The following DERA variants were observed in gnomAD, a reference collection of about 807,000 sequenced individuals.
The protein encoded by DERA is deoxyribose-phosphate aldolase.
DERA carries 15 observed loss-of-function variants against 41.1 expected under a neutral mutation model. The ratio of observed to expected loss-of-function variants is 0.37; its 90% confidence interval spans 0.24 to 0.56. The LOEUF is 0.56. Ranked by LOEUF, DERA falls within the 20% of genes least tolerant of loss-of-function variation. The pLI is 0.81. For synonymous variants in DERA, 139 were observed against 137.4 expected (o/e 1.01, Z -0.08); for missense variants, 396 against 403.4 (o/e 0.98, Z 0.16).
chr12:15,986,534 TCA>T (rs758806308), intron 6 of DERA, among the ~76,000 whole-genome samples: 20 of 152,216 alleles, frequency 1.3e-4, no homozygotes, highest in Non-Finnish European at 1.8e-4. Context: ...CCTTAATTTT[TCA>T]CAGTCTACTT....
At chr12:15,974,765 T>TA (rs1335796463) in intron 5 of DERA, among the ~76,000 whole-genome samples, 2 of 152,186 alleles carry the variant, frequency 1.3e-5, no homozygotes, top group African/African-American at 4.8e-5. Flanking sequence ...TTTTTTCAGC[T>TA]ATTACTCTGA....
rs1268597140 is a variant in DERA at position 15,965,591 on chromosome 12, T to G, written c.508+2644T>G. Among the ~76,000 whole-genome samples the G allele has an allele frequency of 6.6e-6, 1 of 152,078 alleles. No homozygotes were observed. ...CTCATGGATGTGAGAGTCCACAGTT[T>G]AGGGTATGAATTCGAGGAGACTGGA... On this transcript the variant is annotated intron_variant, in intron 5 of 8. Coordinates refer to ENST00000428559, the MANE Select transcript of DERA (RefSeq NM_015954.4). The surrounding 1 kb of genome is among the most constrained non-coding windows in gnomAD (Gnocchi z 4.1).
rs910211228 is a variant in DERA, at chr12:15,954,480, T to C, written c.32-2456T>C. Among the ~76,000 whole-genome samples, 1 of 152,136 alleles carries C rather than the reference T, an allele frequency of 6.6e-6. No individual in the cohort carries two copies. The highest frequency in any genetic ancestry group is 1.5e-5 in the Non-Finnish European group (1 of 68,032). On this transcript the variant is annotated intron_variant, in intron 1 of 8. Coordinates refer to ENST00000428559, the MANE Select transcript of DERA (RefSeq NM_015954.4). This position sits in a 1 kb window ranked among gnomAD's most constrained non-coding sequence, Gnocchi z 4.0. ...GCTCCCAGAGAAGGTGACATTTGAATCGACTCTTAAAGGATGAGCAGCAGT... is the reference window on the plus strand; with the variant it reads ...GCTCCCAGAGAAGGTGACATTTGAACCGACTCTTAAAGGATGAGCAGCAGT...
In DERA at chr12:16,017,444, C is replaced by T. The variant is rs184858423; in HGVS notation, c.638-15098C>T. ...TTTCTTTCTCTCTTTCTCTTTACCC[C>T]CTTTCTCACATGGGTAGCTAATTAT... On this transcript the variant is annotated intron_variant, in intron 6 of 8. Transcript: ENST00000428559. The surrounding 1 kb of genome is among the most constrained non-coding windows in gnomAD (Gnocchi z 5.5). Among the ~76,000 whole-genome samples, 21 of 152,238 alleles carry T rather than the reference C, an allele frequency of 1.4e-4. No homozygotes were observed. The highest frequency in any genetic ancestry group is 2.5e-4 in the Non-Finnish European group (17 of 68,020).
rs1948812743 is a variant in DERA, at chr12:15,993,115, A to C, written c.637+10679A>C. On this transcript the variant is annotated intron_variant, in intron 6 of 8. Transcript: ENST00000428559. This position sits in a 1 kb window ranked among gnomAD's most constrained non-coding sequence, Gnocchi z 4.4. Reference sequence around the variant, plus strand: ...TAGAATCCAGGGGAGGGAACATTCAAAATTCAACCCAATAAGATCAAAGTA... The same window carrying C: ...TAGAATCCAGGGGAGGGAACATTCACAATTCAACCCAATAAGATCAAAGTA... Among the ~76,000 whole-genome samples, 1 of 152,178 alleles carries C rather than the reference A, an allele frequency of 6.6e-6. No individual in the cohort carries two copies.
rs1199544344 is a variant in DERA at position 16,020,786 on chromosome 12, G to T, written c.638-11756G>T. ...GAGAACTGGAGTGAAGGTCACCCCT[G>T]TTATGTCCTAGTAAAGAACTTGGCT... On this transcript the variant is annotated intron_variant, in intron 6 of 8. Coordinates refer to ENST00000428559, the MANE Select transcript of DERA (RefSeq NM_015954.4). The surrounding 1 kb of genome is among the most constrained non-coding windows in gnomAD (Gnocchi z 5.5). 6.6e-6 allele frequency among the ~76,000 whole-genome samples: 1 copy of T among 152,188 alleles called. No homozygotes were observed. Among genetic ancestry groups the T allele is most frequent in the Admixed American group, 6.5e-5 (1 of 15,282 alleles).
intron 1 of DERA, among the ~76,000 whole-genome samples, chr12:15,923,848 G>A (rs1054687016): frequency 6.6e-6 from 1 of 151,812 alleles, no homozygotes; most frequent in African/African-American, 2.4e-5. Context: ...ATCTGCCCCT[G>A]GAAAATCCAT....
At chr12:16,027,214 C>G (rs1307293364) in intron 6 of DERA, among the ~76,000 whole-genome samples, 1 of 152,194 alleles carries the variant, frequency 6.6e-6, no homozygotes, top group Non-Finnish European at 1.5e-5. Context: ...TGCTTTCCTC[C>G]TAAGATCCTC....
rs1047505368 is a variant in DERA, at chr12:16,019,356, C to T, written c.638-13186C>T. On this transcript the variant is annotated intron_variant, in intron 6 of 8. Transcript: ENST00000428559. This position sits in a 1 kb window ranked among gnomAD's most constrained non-coding sequence, Gnocchi z 4.4. The stretch of plus-strand genomic sequence containing the variant: ...TCTCTGACTCTCAATTGTCCTTTCT[C>T]AACACATCCAATACAGACACTAAAT... 8.5e-5 allele frequency among the ~76,000 whole-genome samples: 13 copies of T among 152,158 alleles called. No homozygotes were observed. The highest frequency in any genetic ancestry group is 2.2e-4 in the African/African-American group (9 of 41,440).
chr12:15,991,411 T>C (rs1948801157), intron 6 of DERA, among the ~76,000 whole-genome samples: 1 of 152,240 alleles, frequency 6.6e-6, no homozygotes, highest in Non-Finnish European at 1.5e-5. Flanking sequence ...AGGTTGTCTG[T>C]TTATTCTGTT....
Position 15,998,196 on chromosome 12 carries a change from A to G in DERA, c.637+15760A>G, listed in dbSNP as rs1397666927. ...GTCATGAACGGAGCCAAGGAAATTCATACTTTGAGAAACATGCATTTTAAA... is the reference window on the plus strand; with the variant it reads ...GTCATGAACGGAGCCAAGGAAATTCGTACTTTGAGAAACATGCATTTTAAA... On this transcript the variant is annotated intron_variant, in intron 6 of 8. Transcript: ENST00000428559. The surrounding 1 kb of genome is among the most constrained non-coding windows in gnomAD (Gnocchi z 4.8). 6.6e-6 allele frequency among the ~76,000 whole-genome samples: 1 copy of G among 152,224 alleles called. No homozygotes were observed. Among genetic ancestry groups the G allele is most frequent in the African/African-American group, 2.4e-5 (1 of 41,452 alleles).
intron 6 of DERA, among the ~76,000 whole-genome samples, chr12:15,991,780 A>G (rs1211005407): frequency 2.0e-5 from 3 of 152,122 alleles, no homozygotes; most frequent in African/African-American, 7.2e-5. Flanking sequence ...TACAATTAGA[A>G]TATTAGTCAG....
At chr12:15,944,074 C>G (rs1311732949) in intron 1 of DERA, among the ~76,000 whole-genome samples, 5 of 152,166 alleles carry the variant, frequency 3.3e-5, no homozygotes, top group Admixed American at 3.3e-4. Flanking sequence ...TTCTTTATGG[C>G]TGCTTAGTAT....
chr12:15,983,803 G>A lies in DERA; in HGVS notation c.637+1367G>A, dbSNP rs1948747276. Among the ~76,000 whole-genome samples the A allele has an allele frequency of 6.6e-6, 1 of 152,180 alleles. No individual in the cohort carries two copies. The highest frequency in any genetic ancestry group is 6.5e-5 in the Admixed American group (1 of 15,278). On this transcript the variant is annotated intron_variant, in intron 6 of 8. Coordinates refer to ENST00000428559, the MANE Select transcript of DERA (RefSeq NM_015954.4). This position sits in a 1 kb window ranked among gnomAD's most constrained non-coding sequence, Gnocchi z 6.2. ...AATCAGCCTACTAGTCAGCAATGGT[G>A]CTGTTGCTCTGGGCACAACTGCTGT...
At chr12:15,934,895 A>G (rs989143799) in intron 1 of DERA, among the ~76,000 whole-genome samples, 2 of 152,178 alleles carry the variant, frequency 1.3e-5, no homozygotes, top group African/African-American at 4.8e-5. Context: ...TTTAAGGAAA[A>G]TGCTAGCAGA....
In DERA at chr12:16,012,033, AAGTC is replaced by A. The variant is rs1948949862; in HGVS notation, c.638-20505_638-20502del. ...AAAAACACATAAAACATGCATAACT[AAGTC>A]AGTGTTTCCTCAAAAGGGGCAGAGT... On this transcript the variant is annotated intron_variant, in intron 6 of 8. Coordinates refer to ENST00000428559, the MANE Select transcript of DERA (RefSeq NM_015954.4). The surrounding 1 kb of genome is among the most constrained non-coding windows in gnomAD (Gnocchi z 4.1). Among the ~76,000 whole-genome samples, 1 of 152,220 alleles carries A rather than the reference AAGTC, an allele frequency of 6.6e-6. No individual in the cohort carries two copies. The highest frequency in any genetic ancestry group is 2.4e-5 in the African/African-American group (1 of 41,452).
chr12:15,983,115 G>A lies in DERA; in HGVS notation c.637+679G>A, dbSNP rs921559682. Among the ~76,000 whole-genome samples the A allele has an allele frequency of 4.6e-5, 7 of 152,166 alleles. No individual in the cohort carries two copies. The highest frequency in any genetic ancestry group is 3.3e-4 in the Admixed American group (5 of 15,296). Reference sequence around the variant, plus strand: ...TCTTAGGCCACCATCCTCCTCCACAGGGATTACTTCAGCTGTTCCCCTGTC... The same window carrying A: ...TCTTAGGCCACCATCCTCCTCCACAAGGATTACTTCAGCTGTTCCCCTGTC... On this transcript the variant is annotated intron_variant, in intron 6 of 8. Transcript: ENST00000428559. The surrounding 1 kb of genome is among the most constrained non-coding windows in gnomAD (Gnocchi z 6.2).
chr12:16,033,453 TAAAAG>T (rs1418820744), intron 7 of DERA, among the ~76,000 whole-genome samples: 1 of 152,152 alleles, frequency 6.6e-6, no homozygotes, highest in Non-Finnish European at 1.5e-5. Flanking sequence ...CATATGAAGT[TAAAAG>T]GAAAAATGCG....
At position 16,035,850 on chromosome 12, in the gene DERA, G is replaced by C. The variant is rs1199945720; in HGVS notation, c.751-382G>C. ...AAGTGACTCTACAGGCTTACTTGTG[G>C]AAATGTAGAATGAGTGGGCTTTGCT... On this transcript the variant is annotated intron_variant, in intron 7 of 8. Transcript: ENST00000428559. This position sits in a 1 kb window ranked among gnomAD's most constrained non-coding sequence, Gnocchi z 4.1. 3.3e-5 allele frequency among the ~76,000 whole-genome samples: 5 copies of C among 152,316 alleles called. No homozygotes were observed. In the South Asian group the frequency reaches 6.2e-4, roughly 19 times the overall value.
Sources: gnomAD v4.1 joint callset for allele counts (sites outside exome capture counted in the v4.1 genomes callset) on GRCh38, gnomAD v4.1.1 for gene constraint, Gnocchi (gnomAD v3.1) non-coding constraint, MANE v1.5 for transcripts, NCBI Gene and HGNC (gene_info 2026-07-23, HGNC 2026-07-21) for gene names.